The following DNAI1 variants were observed in gnomAD, a reference collection of about 807,000 sequenced individuals.
DNAI1 encodes dynein axonemal intermediate chain 1, also known as dynein, axonemal, intermediate polypeptide 1.
In DNAI1, 67 loss-of-function variants were observed where a neutral mutation model predicts 92.0. That is an observed-to-expected ratio of 0.73 (90% CI 0.60 to 0.89). DNAI1 has a LOEUF of 0.89. Ranked by LOEUF, DNAI1 falls within the 40% of genes least tolerant of loss-of-function variation. The pLI is 0.00. For synonymous variants in DNAI1, 323 were observed against 319.6 expected (o/e 1.01, Z -0.11); for missense variants, 839 against 866.6 (o/e 0.97, Z 0.40).
intron 10 of DNAI1, among the ~76,000 whole-genome samples, chr9:34,497,716 G>A (rs1365392202): frequency 1.3e-5 from 2 of 152,240 alleles, no homozygotes; most frequent in Non-Finnish European, 2.9e-5. Context: ...ATGAGTGGGA[G>A]TAGTTATGGA....
chr9:34,517,942 G>C (rs1391086912), intron 19 of DNAI1, among the ~76,000 whole-genome samples: 1 of 152,244 alleles, frequency 6.6e-6, no homozygotes, highest in African/African-American at 2.4e-5. Context: ...TAGGTCAGCA[G>C]CTATGCAGCC....
At chr9:34,492,623 G>A (rs1262334252) in intron 8 of DNAI1, among the ~76,000 whole-genome samples, 3 of 149,178 alleles carry the variant, frequency 2.0e-5, no homozygotes, top group African/African-American at 7.4e-5. Flanking sequence ...GGGCTCAAGC[G>A]ATCCTCCCAC....
intron 16 of DNAI1, among the ~76,000 whole-genome samples, chr9:34,513,794 C>T (rs1477480567): frequency 1.3e-5 from 2 of 152,174 alleles, no homozygotes; most frequent in Non-Finnish European, 2.9e-5. Context: ...CTTCACCCCT[C>T]CCACTGGCAG....
chr9:34,473,230 CAT>C (rs910529088), intron 1 of DNAI1, among the ~76,000 whole-genome samples: 4 of 151,058 alleles, frequency 2.6e-5, no homozygotes, highest in African/African-American at 4.9e-5. Context: ...TCATGTAAAA[CAT>C]ATTTTGAAAT....
intron 4 of DNAI1, chr9:34,487,993 A>G: frequency 3.1e-6 from 1 of 324,090 alleles, no homozygotes; most frequent in Admixed American, 4.0e-5. Flanking sequence ...GGAAGATCCC[A>G]GTCAACTACT....
At position 34,520,817 on chromosome 9, in the gene DNAI1, G is replaced by C. The variant is rs1181447096; in HGVS notation, c.*61G>C. ...ACAGTACTCCTAGGGCTTGACCCTG[G>C]TACCCAGCCCAGCCTTAGCACCCAG... On this transcript the variant is annotated 3_prime_UTR_variant, in exon 20 of 20. Transcript: ENST00000242317. 3 of 1,510,424 alleles carry C rather than the reference G, an allele frequency of 2.0e-6. No homozygotes were observed. The highest frequency in any genetic ancestry group is 2.8e-5 in the African/African-American group (2 of 72,086). The allele number at this position is 1,510,424 out of a possible 1,614,324, so 93.6% of individuals were successfully genotyped here.
chr9:34,474,321 A>G (rs766050007), intron 1 of DNAI1, among the ~76,000 whole-genome samples: 5 of 150,586 alleles, frequency 3.3e-5, no homozygotes, highest in African/African-American at 7.3e-5. Context: ...TGCAGCCTCT[A>G]CCTCCCGGGC....
At chr9:34,459,190 T>C (rs1401906131) in intron 1 of DNAI1, 137 bp downstream of exon 1, 6 of 820,412 alleles carry the variant, frequency 7.3e-6, no homozygotes, top group Non-Finnish European at 8.2e-6. Flanking sequence ...CTCTGGTAAG[T>C]GCTCCCACTG....
intron 13 of DNAI1, among the ~76,000 whole-genome samples, chr9:34,509,757 C>T (rs1041460942): frequency 3.9e-5 from 6 of 152,030 alleles, no homozygotes; most frequent in African/African-American, 1.5e-4. Context: ...AGTGATTGAT[C>T]AGATATTAGA....
chr9:34,500,750 T>C lies in DNAI1; in HGVS notation c.930T>C (p.Asp310=). ...TTAAGTACTATGACGATGCTGCTGA[T>C]GAATACCGGGACCAGGTGGGTACCC... The part of the protein sequence containing the change: ...QDFKYYDDAA[D]EYRDQVGTLL... The change falls in exon 11 of 20, where the codon GAT becomes GAC. Residue 310 remains aspartate, a synonymous_variant. Transcript: ENST00000242317. 1 of 1,614,060 alleles carries C rather than the reference T, an allele frequency of 6.2e-7. No individual in the cohort carries two copies. Among genetic ancestry groups the C allele is most frequent in the Non-Finnish European group, 8.5e-7 (1 of 1,179,986 alleles).
At chr9:34,483,133 G>A (rs866756767) in intron 1 of DNAI1, among the ~76,000 whole-genome samples, 4 of 152,186 alleles carry the variant, frequency 2.6e-5, no homozygotes, top group South Asian at 2.1e-4. Context: ...CCCGGTTCCC[G>A]CTGGTGCCTC....
chr9:34,500,993 C>G, intron 11 of DNAI1, 145 bp from the exon 12 acceptor site: 2 of 954,308 alleles, frequency 2.1e-6, no homozygotes, highest in Admixed American at 3.4e-5. Flanking sequence ...ACAAGACCAC[C>G]CCCAGGACTC....
chr9:34,514,759 CT>C lies in DNAI1; in HGVS notation c.1818+22del, dbSNP rs774064637. ...GGGAAGGTGAGTGCCAGCGTCCTGA[CT>C]TCACTGAGTCCCTACTGGAGATCAG... On this transcript the variant is annotated intron_variant, in intron 18 of 19. Transcript: ENST00000242317. 1 of 1,611,978 alleles carries C rather than the reference CT, an allele frequency of 6.2e-7. No individual in the cohort carries two copies. The highest frequency in any genetic ancestry group is 1.1e-5 in the South Asian group (1 of 91,034).
At chr9:34,481,897 A>C (rs1466089486) in intron 1 of DNAI1, among the ~76,000 whole-genome samples, 1 of 152,232 alleles carries the variant, frequency 6.6e-6, no homozygotes, top group African/African-American at 2.4e-5. Flanking sequence ...CACAGTGTGG[A>C]AGGGGACCCG....
intron 9 of DNAI1, among the ~76,000 whole-genome samples, chr9:34,493,898 G>T (rs544459101): frequency 5.9e-5 from 9 of 152,232 alleles, no homozygotes; most frequent in African/African-American, 1.9e-4. Context: ...TCATGGTTGA[G>T]GGGGGCTCAC....
At chr9:34,470,544 C>T (rs1824117533) in intron 1 of DNAI1, among the ~76,000 whole-genome samples, 3 of 152,170 alleles carry the variant, frequency 2.0e-5, no homozygotes, top group South Asian at 4.2e-4. Context: ...AGGGTCAATT[C>T]AAGAGGGATA....
chr9:34,461,054 G>T (rs1442351086), intron 1 of DNAI1, among the ~76,000 whole-genome samples: 1 of 152,110 alleles, frequency 6.6e-6, no homozygotes, highest in African/African-American at 2.4e-5. Context: ...TGTTAGCCAC[G>T]ATGGTCTTGG....
intron 1 of DNAI1, among the ~76,000 whole-genome samples, chr9:34,482,659 C>T (rs1435634993): frequency 1.3e-5 from 2 of 152,288 alleles, no homozygotes; most frequent in East Asian, 1.9e-4. Flanking sequence ...GATATAAAGA[C>T]TCTCCACGTC....
intron 8 of DNAI1, among the ~76,000 whole-genome samples, chr9:34,492,509 T>TAGATATAG (rs1564033913): frequency 5.5e-4 from 53 of 95,604 alleles, no homozygotes; most frequent in African/African-American, 1.8e-3. Context: ...TATATATATA[T>TAGATATAG]ATATATATAT....
Sources: allele counts gnomAD v4.1 joint callset (sites outside exome capture counted in the v4.1 genomes callset), GRCh38; gene constraint gnomAD v4.1.1; transcripts MANE v1.5; gene names NCBI Gene and HGNC (gene_info 2026-07-23, HGNC 2026-07-21).